The following GALNTL6 variants were observed in gnomAD, a reference collection of about 807,000 sequenced individuals.
The protein encoded by GALNTL6 is polypeptide N-acetylgalactosaminyltransferase like 6.
Under a neutral mutation model 73.7 loss-of-function variants are expected in GALNTL6, and 46 were observed. The ratio of observed to expected loss-of-function variants is 0.62; its 90% CI spans 0.49 to 0.80. The LOEUF (loss-of-function observed/expected upper bound fraction) is 0.80, where lower values mean the gene tolerates loss of function less well. GALNTL6 is among the 30% of genes least tolerant of loss of function. The probability of loss-of-function intolerance (pLI) is 0.00; values close to 1 mark genes in which losing one functional copy is unlikely to be tolerated. For missense variants in GALNTL6, 604 were observed against 755.0 expected, an observed-to-expected ratio of 0.80 and a Z score of 2.34; for synonymous variants, 259 against 263.7, an observed-to-expected ratio of 0.98 and a Z score of 0.17.
Position 171,814,492 on chromosome 4 carries a change from G to A in GALNTL6, c.-89G>A. 2.1e-6 allele frequency: 3 copies of A among 1,410,722 alleles called. No individual in the cohort carries two copies. The highest frequency in any genetic ancestry group is 2.0e-6 in the Non-Finnish European group (2 of 1,013,854). The allele number at this position is 1,410,722 out of a possible 1,614,324, so 87.4% of individuals were successfully genotyped here. A position where few individuals can be genotyped will look rare whatever the true frequency, so the allele number is the denominator to read the frequency against. ...GTAGCTTCTCAGTTTCTGGTGCTTC[G>A]CAGGGGAGAGGAAAGGAATTTGACA... On this transcript the variant is annotated 5_prime_UTR_variant, in exon 2 of 13. Transcript: ENST00000506823.
At chr4:172,399,276 C>T (rs1003980631) in intron 5 of GALNTL6, among the ~76,000 whole-genome samples, 1 of 151,996 alleles carries the variant, frequency 6.6e-6, no homozygotes, top group Non-Finnish European at 1.5e-5. Flanking sequence ...AAAAAGTTAA[C>T]AGTGTTTAAC....
At chr4:173,025,788 C>T (rs1579798704) in intron 12 of GALNTL6, among the ~76,000 whole-genome samples, 1 of 152,310 alleles carries the variant, frequency 6.6e-6, no homozygotes, top group Non-Finnish European at 1.5e-5. Flanking sequence ...CACCCCAATT[C>T]ATCCTGAAAT....
chr4:172,614,898 A>G (rs1181357075), intron 5 of GALNTL6, among the ~76,000 whole-genome samples: 2 of 152,176 alleles, frequency 1.3e-5, no homozygotes, highest in Non-Finnish European at 2.9e-5. Flanking sequence ...TGGTTAAACA[A>G]AAAAGGTGAG....
rs186732756 is a variant in GALNTL6, at chr4:172,148,409, A to G, written c.139-81247A>G. Among the ~76,000 whole-genome samples the G allele has an allele frequency of 1.4e-3, 213 of 152,280 alleles. 1 individual carries two copies. Among genetic ancestry groups the G allele is most frequent in the Non-Finnish European group, 2.1e-3 (140 of 67,990 alleles). On this transcript the variant is annotated intron_variant, in intron 2 of 12. Transcript: ENST00000506823. Reference sequence around the variant, plus strand: ...TATGACTTAGAAATCAGATTAGGAAATTAATAGCAACCAAAAACGTATTGT... The same window carrying G: ...TATGACTTAGAAATCAGATTAGGAAGTTAATAGCAACCAAAAACGTATTGT...
intron 2 of GALNTL6, among the ~76,000 whole-genome samples, chr4:172,088,789 G>A (rs145365761): frequency 6.0e-4 from 91 of 152,268 alleles, no homozygotes; most frequent in African/African-American, 2.1e-3. Context: ...TCCTGTGCTC[G>A]AGAGAGACAG....
At chr4:172,545,883 T>G (rs964863351) in intron 5 of GALNTL6, 2 of 152,202 alleles carry the variant, frequency 1.3e-5, no homozygotes, top group Non-Finnish European at 2.9e-5. Flanking sequence ...GGTAACAAAC[T>G]AGGCAAAAGA....
chr4:172,289,955 C>T (rs2111097616), intron 3 of GALNTL6, among the ~76,000 whole-genome samples: 1 of 152,308 alleles, frequency 6.6e-6, no homozygotes, highest in Admixed American at 6.5e-5. Context: ...TAGGAGCTTG[C>T]TTTCCTTATC....
intron 7 of GALNTL6, among the ~76,000 whole-genome samples, chr4:172,839,415 G>A (rs955901975): frequency 6.6e-6 from 1 of 152,170 alleles, no homozygotes; most frequent in Non-Finnish European, 1.5e-5. Flanking sequence ...CAAGGAAACT[G>A]ACTAATTTAA....
chr4:172,865,653 A>G (rs1434379446), intron 7 of GALNTL6, among the ~76,000 whole-genome samples: 1 of 152,162 alleles, frequency 6.6e-6, no homozygotes, highest in South Asian at 2.1e-4. Flanking sequence ...TTTTCTAAAA[A>G]TACTTTAGCC....
intron 5 of GALNTL6, among the ~76,000 whole-genome samples, chr4:172,396,705 A>G (rs906257278): frequency 1.3e-5 from 2 of 152,180 alleles, no homozygotes; most frequent in African/African-American, 4.8e-5. Flanking sequence ...TTATTGATGG[A>G]GATATATTGT....
intron 2 of GALNTL6, among the ~76,000 whole-genome samples, chr4:171,977,035 G>C (rs1250820214): frequency 6.6e-6 from 1 of 152,138 alleles, no homozygotes; most frequent in Non-Finnish European, 1.5e-5. Context: ...AAAAGAGAGG[G>C]AGCAGAAGCC....
chr4:172,281,172 A>G (rs1739038305), intron 3 of GALNTL6, among the ~76,000 whole-genome samples: 1 of 152,094 alleles, frequency 6.6e-6, no homozygotes, highest in South Asian at 2.1e-4. Context: ...CTCCGTCTCA[A>G]AAAAAACAAA....
chr4:172,458,415 A>T lies in GALNTL6; in HGVS notation c.553+109726A>T, dbSNP rs568136614. On this transcript the variant is annotated intron_variant, in intron 5 of 12. Coordinates refer to ENST00000506823, the MANE Select transcript of GALNTL6 (RefSeq NM_001034845.3). ...TAGAGATATGAAAAACCCTGCAAAA[A>T]CTCAGTGAATTCAGGAGCTGGTTTT... Among the ~76,000 whole-genome samples, 1,191 of 151,938 alleles carry T rather than the reference A, an allele frequency of 7.8e-3. 12 individuals are homozygous for T. The highest frequency in any genetic ancestry group is 0.013 in the Non-Finnish European group (916 of 67,984).
intron 4 of GALNTL6, among the ~76,000 whole-genome samples, chr4:172,346,964 T>TTTTTCTTTTC (rs142703369): frequency 6.7e-6 from 1 of 149,700 alleles, no homozygotes; most frequent in Non-Finnish European, 1.5e-5. Flanking sequence ...CCTATTGATT[T>TTTTTCTTTTC]TTTTCTTTTC....
intron 5 of GALNTL6, among the ~76,000 whole-genome samples, chr4:172,442,608 A>T (rs1446936473): frequency 6.6e-6 from 1 of 152,198 alleles, no homozygotes; most frequent in Non-Finnish European, 1.5e-5. Flanking sequence ...AGAAAATTAA[A>T]TGCTCTATCC....
intron 7 of GALNTL6, among the ~76,000 whole-genome samples, chr4:172,847,297 C>T (rs557664662): frequency 6.6e-6 from 1 of 152,180 alleles, no homozygotes; most frequent in South Asian, 2.1e-4. Flanking sequence ...TATGTTTTCC[C>T]TTTATTACTC....
intron 7 of GALNTL6, among the ~76,000 whole-genome samples, chr4:172,823,132 A>G (rs1043432497): frequency 1.3e-5 from 2 of 152,152 alleles, no homozygotes; most frequent in African/African-American, 4.8e-5. Flanking sequence ...CTCTGCCCCA[A>G]TAACATGATA....
At chr4:172,977,324 T>C (rs941461797) in intron 10 of GALNTL6, among the ~76,000 whole-genome samples, 8 of 152,156 alleles carry the variant, frequency 5.3e-5, no homozygotes, top group African/African-American at 1.9e-4. Context: ...TGAGTAGCAT[T>C]TGAGAGGCAC....
chr4:171,828,621 G>A (rs1553962842), intron 2 of GALNTL6, among the ~76,000 whole-genome samples: 1 of 151,926 alleles, frequency 6.6e-6, no homozygotes. Context: ...TGCCTTTTTT[G>A]TTGTTTGTTT....
Sources: gnomAD v4.1 joint callset for allele counts (sites outside exome capture counted in the v4.1 genomes callset) on GRCh38, gnomAD v4.1.1 for gene constraint, MANE v1.5 for transcripts, NCBI Gene and HGNC (gene_info 2026-07-23, HGNC 2026-07-21) for gene names.